NDE1: variants seen among roughly 807,000 people sequenced by gnomAD.
NDE1 encodes the protein nuclear distribution protein nudE homolog 1.
NDE1 carries 28 observed loss-of-function variants against 43.4 expected under a neutral mutation model. That is an observed-to-expected ratio of 0.65 (90% CI 0.48 to 0.89). NDE1 has a LOEUF of 0.89. NDE1 is among the 40% of genes least tolerant of loss of function. The pLI, the probability that NDE1 is intolerant of heterozygous loss-of-function variation, is 0.00. For synonymous variants in NDE1, 184 were observed against 172.0 expected (o/e 1.07, Z -0.55); for missense variants, 441 against 434.1 (o/e 1.02, Z -0.14).
intron 8 of NDE1, chr16:15,700,152 G>C (rs1181297345): frequency 1.5e-5 from 16 of 1,038,726 alleles, no homozygotes; most frequent in Non-Finnish European, 1.9e-5. Context: ...GCTGGAGTGT[G>C]GTGGCGTGAT....
chr16:15,717,457 C>T, intron 8 of NDE1: 1 of 1,133,194 alleles, frequency 8.8e-7, no homozygotes, highest in Non-Finnish European at 1.3e-6. Context: ...TCCCTTGATC[C>T]CGGGCACCCT....
Position 15,677,860 on chromosome 16 carries a change from C to A in NDE1, c.297C>A (p.Asp99Glu), listed in dbSNP as rs1443635692. Residue 99 changes from aspartate (D) to glutamate (E), a missense_variant, in exon 4 of 9, where the codon GAC becomes GAA. Coordinates refer to ENST00000396354, the MANE Select transcript of NDE1 (RefSeq NM_017668.3). ...GGCAGATCTCAGCCTTGGAGGATGA[C>A]CTCGCGCAGACCAAAGCCATTAAAG... Reference protein sequence around the residue: ...GYRQISALEDDLAQTKAIKDQ... With the variant: ...GYRQISALEDELAQTKAIKDQ... The A allele has an allele frequency of 1.2e-6, 2 of 1,613,946 alleles. No homozygotes were observed. The highest frequency in any genetic ancestry group is 2.7e-5 in the African/African-American group (2 of 74,898).
chr16:15,704,042 C>G (rs1332460597), intron 8 of NDE1: 1 of 1,614,060 alleles, frequency 6.2e-7, no homozygotes, highest in Non-Finnish European at 8.5e-7. Context: ...TGTCCGTTTC[C>G]TCCTCAGAAC....
rs201960644 is a variant in NDE1 at position 15,717,308 on chromosome 16, G to C, written c.948-6883G>C. The C allele has an allele frequency of 6.2e-6, 10 of 1,611,998 alleles. No homozygotes were observed. The highest frequency in any genetic ancestry group is 2.2e-5 in the East Asian group (1 of 44,888). Reference sequence around the variant, plus strand: ...CCGGGCACTCTCATTCTTCTGGGCCGTGCTGCGCTCTGTGGCCAGCTCGTT... The same window carrying C: ...CCGGGCACTCTCATTCTTCTGGGCCCTGCTGCGCTCTGTGGCCAGCTCGTT... On this transcript the variant is annotated intron_variant, in intron 8 of 8. Coordinates refer to ENST00000396354, the MANE Select transcript of NDE1 (RefSeq NM_017668.3).
chr16:15,699,129 A>G (rs572976866), intron 8 of NDE1, among the ~76,000 whole-genome samples: 1 of 152,142 alleles, frequency 6.6e-6, no homozygotes, highest in African/African-American at 2.4e-5. Context: ...GAGTTTGAGA[A>G]TACACCTCTG....
intron 7 of NDE1, 89 bp downstream of exon 7, chr16:15,694,345 C>CT (rs1157384176): frequency 6.4e-7 from 1 of 1,552,046 alleles, no homozygotes; most frequent in Middle Eastern, 1.9e-4. Context: ...TCCCTCTCTT[C>CT]TTTTTTTCTT....
At chr16:15,672,200 C>T (rs151048056) in intron 3 of NDE1, among the ~76,000 whole-genome samples, 3,277 of 151,900 alleles carry the variant, frequency 0.022, 58 homozygotes, top group African/African-American at 0.046. Flanking sequence ...TTTGGGAGAC[C>T]GAGGCGGGCG....
At chr16:15,651,937 T>C (rs1290977210) in intron 1 of NDE1, 2 of 151,860 alleles carry the variant, frequency 1.3e-5, no homozygotes, top group African/African-American at 4.8e-5. Flanking sequence ...TGAGACGGAG[T>C]CTTGTTCTTG....
chr16:15,694,259 A>G lies in NDE1; in HGVS notation c.795+3A>G, dbSNP rs764571721. The G allele has an allele frequency of 9.3e-6, 15 of 1,613,372 alleles. No homozygotes were observed. Among genetic ancestry groups the G allele is most frequent in the Non-Finnish European group, 1.3e-5 (15 of 1,179,754 alleles). ...GAGACCTACTGCGGAAAGTCGGGGT[A>G]AGACCACACTTTCCTGGCGTTTGGT... On this transcript the variant is annotated splice_donor_region_variant and intron_variant, in intron 7 of 8. Transcript: ENST00000396354.
chr16:15,716,079 A>C (rs1481492656), intron 8 of NDE1, among the ~76,000 whole-genome samples: 1 of 152,066 alleles, frequency 6.6e-6, no homozygotes, highest in Non-Finnish European at 1.5e-5. Flanking sequence ...CCAGCCTGGG[A>C]AACAGAGTGA....
intron 8 of NDE1, among the ~76,000 whole-genome samples, chr16:15,722,114 C>T (rs1235548732): frequency 6.6e-6 from 1 of 152,142 alleles, no homozygotes; most frequent in African/African-American, 2.4e-5. Context: ...CTGCCTCGGC[C>T]TCCCAAAGCA....
At chr16:15,661,846 C>T (rs2037061442) in intron 1 of NDE1, among the ~76,000 whole-genome samples, 1 of 152,164 alleles carries the variant, frequency 6.6e-6, no homozygotes, top group Non-Finnish European at 1.5e-5. Flanking sequence ...TCTCTCTCCC[C>T]TGCCCCGAAA....
chr16:15,720,053 G>A, intron 8 of NDE1: 2 of 1,507,184 alleles, frequency 1.3e-6, no homozygotes, highest in Non-Finnish European at 1.8e-6. Context: ...AATGGCAGGT[G>A]CAGGCTTGCT....
intron 1 of NDE1, among the ~76,000 whole-genome samples, chr16:15,657,595 C>G (rs752675179): frequency 1.3e-4 from 20 of 151,968 alleles, no homozygotes; most frequent in East Asian, 5.8e-4. Flanking sequence ...CACTCTACCC[C>G]CTTTTTATTT....
At position 15,704,101 on chromosome 16, in the gene NDE1, C is replaced by T. The variant is rs756122406; in HGVS notation, c.947+7241C>T. 6.8e-6 allele frequency: 11 copies of T among 1,613,890 alleles called. No individual in the cohort carries two copies. In the Admixed American group the frequency reaches 8.3e-5, roughly 12 times the overall value. On this transcript the variant is annotated intron_variant, in intron 8 of 8. Coordinates refer to ENST00000396354, the MANE Select transcript of NDE1 (RefSeq NM_017668.3). Reference sequence around the variant, plus strand: ...CGTCCTCCAGACCTTCTAGAAGGAACGAAAGAGGTCTCGTTTCCTCGCCTG... The same window carrying T: ...CGTCCTCCAGACCTTCTAGAAGGAATGAAAGAGGTCTCGTTTCCTCGCCTG...
Position 15,724,993 on chromosome 16 carries a change from C to CT in NDE1, c.*743dup. 1 of 1,613,616 alleles carries CT rather than the reference C, an allele frequency of 6.2e-7. No individual in the cohort carries two copies. The highest frequency in any genetic ancestry group is 2.2e-5 in the East Asian group (1 of 44,866). Reference sequence around the variant, plus strand: ...TCCCTGTGACGCTCTCAACTTCATTCTAAGGGTGCCAAGAGACTGGTTAGT... The same window carrying CT: ...TCCCTGTGACGCTCTCAACTTCATTCTTAAGGGTGCCAAGAGACTGGTTAGT... On this transcript the variant is annotated 3_prime_UTR_variant, in exon 9 of 9. Transcript: ENST00000396354.
intron 3 of NDE1, among the ~76,000 whole-genome samples, chr16:15,674,853 G>A (rs77672343): frequency 0.013 from 2,030 of 152,114 alleles, 16 homozygotes; most frequent in East Asian, 0.034. Flanking sequence ...GACTACAGGC[G>A]ACGCCACCAT....
chr16:15,687,466 G>C lies in NDE1; in HGVS notation c.478G>C (p.Glu160Gln). 2.5e-6 allele frequency: 4 copies of C among 1,614,182 alleles called. No homozygotes were observed. Among genetic ancestry groups the C allele is most frequent in the Non-Finnish European group, 3.4e-6 (4 of 1,180,036 alleles). ...AFLESELDEK[E>Q]NLLESVQRLK... ...CCTGGAAAGTGAACTTGATGAAAAA[G>C]AGAATCTCCTGGAATCTGTTCAGAG... Residue 160 changes from glutamate (E) to glutamine (Q), a missense_variant, in exon 5 of 9, where the codon GAG (glutamate) becomes CAG (glutamine). By Grantham distance (29) the Glu-to-Gln change is conservative. Transcript: ENST00000396354.
intron 4 of NDE1, among the ~76,000 whole-genome samples, chr16:15,679,776 T>TTTG (rs1362487659): frequency 3.4e-5 from 5 of 146,362 alleles, no homozygotes; most frequent in Middle Eastern, 3.5e-3. Flanking sequence ...CTATTAGTTG[T>TTTG]TTTTTGTTTT....
Sources: allele counts gnomAD v4.1 joint callset (sites outside exome capture counted in the v4.1 genomes callset), GRCh38; gene constraint gnomAD v4.1.1; transcripts MANE v1.5; gene names NCBI Gene and HGNC (gene_info 2026-07-23, HGNC 2026-07-21).